CHD6: variants seen among roughly 807,000 people sequenced by gnomAD.
CHD6 encodes chromodomain helicase DNA binding protein 6.
Under a neutral mutation model 276.9 loss-of-function variants are expected in CHD6, and 50 were observed. The ratio of observed to expected loss-of-function variants is 0.18; its 90% CI spans 0.14 to 0.23. The LOEUF is 0.23. Ranked by LOEUF, CHD6 falls within the 10% of genes least tolerant of loss-of-function variation. The pLI is 1.00. For synonymous variants in CHD6, 1,173 were observed against 1,229.3 expected (o/e 0.95, Z 0.96); for missense variants, 2,564 against 3,365.8 (o/e 0.76, Z 5.89).
Position 41,532,691 on chromosome 20 carries a change from G to A in CHD6, c.554+359C>T, listed in dbSNP as rs77074055. Among the ~76,000 whole-genome samples the A allele has an allele frequency of 3.7e-3, 565 of 152,084 alleles. 15 individuals are homozygous for A. In the East Asian group the frequency reaches 0.041, roughly 11 times the overall value. On this transcript the variant is annotated intron_variant, in intron 3 of 36. Transcript: ENST00000373233. ...ATAGACACAAAGAACATATAAACATGGGATATAGGGGGTACATCTACACAG... is the reference window on the plus strand; with the variant it reads ...ATAGACACAAAGAACATATAAACATAGGATATAGGGGGTACATCTACACAG...
intron 1 of CHD6, among the ~76,000 whole-genome samples, chr20:41,604,209 G>C (rs952335950): frequency 6.6e-6 from 1 of 152,198 alleles, no homozygotes; most frequent in Non-Finnish European, 1.5e-5. Context: ...TGGAGCTGCT[G>C]AGTGTATGGC....
At position 41,405,383 on chromosome 20, in the gene CHD6, G is replaced by A; in HGVS notation, c.7358C>T (p.Ala2453Val). ...GGGAGAGTCTGCCACAATGGAAGGA[G>A]CCTTCAGGAGTTCGCTCCGAGGCCG... ...GRRPRSELLK[A>V]PSIVADSPSG... Residue 2453 changes from alanine to valine, a missense_variant, in exon 37 of 37, where the codon GCT becomes GTT. By Grantham distance (64) the Ala-to-Val change is moderately conservative. Around this residue, in one of 7 missense-constraint regions of CHD6, gnomAD observed 1,024 missense variants for 1,047.9 expected, o/e 0.98. Transcript: ENST00000373233. 2 of 1,614,170 alleles carry A rather than the reference G, an allele frequency of 1.2e-6. No individual in the cohort carries two copies. Among genetic ancestry groups the A allele is most frequent in the Non-Finnish European group, 8.5e-7 (1 of 1,179,990 alleles).
At position 41,452,660 on chromosome 20, in the gene CHD6, T is replaced by A; in HGVS notation, c.3323+80A>T. 1 of 1,281,676 alleles carries A rather than the reference T, an allele frequency of 7.8e-7. No individual in the cohort carries two copies. The highest frequency in any genetic ancestry group is 1.1e-6 in the Non-Finnish European group (1 of 901,974). The allele number at this position is 1,281,676 out of a possible 1,614,324, so 79.4% of individuals were successfully genotyped here. ...AATTCCAAAGGTGACTGGAGAGACA[T>A]CCTAGACAAATCTCAGGGACTGAAA... On this transcript the variant is annotated intron_variant, in intron 21 of 36. Coordinates refer to ENST00000373233, the MANE Select transcript of CHD6 (RefSeq NM_032221.5). This position sits in a 1 kb window ranked among gnomAD's most constrained non-coding sequence, Gnocchi z 4.2.
intron 1 of CHD6, among the ~76,000 whole-genome samples, chr20:41,584,573 T>C (rs1460941107): frequency 6.6e-6 from 1 of 152,154 alleles, no homozygotes; most frequent in Non-Finnish European, 1.5e-5. Flanking sequence ...CCTATATTCT[T>C]GGCCATAAAA....
chr20:41,587,726 C>T (rs1262990287), intron 1 of CHD6, among the ~76,000 whole-genome samples: 2 of 152,120 alleles, frequency 1.3e-5, no homozygotes, highest in African/African-American at 4.8e-5. Context: ...CTATTAATAA[C>T]GCAGTGACAC....
Position 41,417,345 on chromosome 20 carries a change from A to G in CHD6, c.6132T>C (p.Tyr2044=), listed in dbSNP as rs763002982. ...DRDGNCHSQD[Y]PGKYSEEESK... ...TCTCCTCTTCAGAGTACTTCCCTGG[A>G]TAATCTGGGAAGAGGTTAAAAAATT... The change falls in exon 32 of 37, where the codon TAT becomes TAC. Residue 2044 remains tyrosine, a synonymous_variant. Transcript: ENST00000373233. 7 of 1,611,886 alleles carry G rather than the reference A, an allele frequency of 4.3e-6. No homozygotes were observed. Among genetic ancestry groups the G allele is most frequent in the Non-Finnish European group, 3.4e-6 (4 of 1,179,506 alleles).
chr20:41,404,134 C>G lies in CHD6; in HGVS notation c.*459G>C. 2 of 1,057,574 alleles carry G rather than the reference C, an allele frequency of 1.9e-6. No individual in the cohort carries two copies. The highest frequency in any genetic ancestry group is 2.3e-6 in the Non-Finnish European group (2 of 874,874). The allele number at this position is 1,057,574 out of a possible 1,614,324, so 65.5% of individuals were successfully genotyped here. A position where few individuals can be genotyped will look rare whatever the true frequency, so the allele number is the denominator to read the frequency against. ...TTTAACTCAAAAATATGCACCAGCA[C>G]TTCCTTTTTCTGTGCTTTTTGGTTC... On this transcript the variant is annotated 3_prime_UTR_variant, in exon 37 of 37. Coordinates refer to ENST00000373233, the MANE Select transcript of CHD6 (RefSeq NM_032221.5).
intron 1 of CHD6, among the ~76,000 whole-genome samples, chr20:41,576,504 GGTGAAAC>G (rs1360276751): frequency 1.3e-5 from 2 of 152,080 alleles, no homozygotes; most frequent in African/African-American, 4.8e-5. Context: ...TGGCCAACAT[GGTGAAAC>G]CCTGCCTCTA....
intron 17 of CHD6, 82 bp from the exon 18 acceptor site, chr20:41,457,510 G>C: frequency 1.4e-6 from 2 of 1,471,714 alleles, no homozygotes; most frequent in Non-Finnish European, 1.8e-6. Flanking sequence ...GTGCTTAAAT[G>C]TCATGTGGTG....
intron 1 of CHD6, among the ~76,000 whole-genome samples, chr20:41,574,715 T>C (rs750132609): frequency 6.6e-5 from 10 of 152,186 alleles, no homozygotes; most frequent in South Asian, 2.1e-4. Context: ...TTATATATGA[T>C]GTGGCTGTTT....
rs1309953379 is a variant in CHD6 at position 41,421,187 on chromosome 20, A to G, written c.5448T>C (p.Asn1816=). 6.2e-7 allele frequency: 1 copy of G among 1,613,252 alleles called. No homozygotes were observed. The highest frequency in any genetic ancestry group is 8.5e-7 in the Non-Finnish European group (1 of 1,179,634). The change falls in exon 31 of 37, where the codon AAT becomes AAC. Residue 1816 remains asparagine (N), a synonymous_variant. Coordinates refer to ENST00000373233, the MANE Select transcript of CHD6 (RefSeq NM_032221.5). The stretch of plus-strand genomic sequence containing the variant: ...CTACAAACCCACTTTCATTTCCTGG[A>G]TTCAAGGAAGGGGAAGCTAAACACT... The part of the protein sequence containing the change: ...EAKCLASPSL[N]PGNESGFVDM...
intron 1 of CHD6, among the ~76,000 whole-genome samples, chr20:41,579,611 T>C (rs2045514786): frequency 6.6e-6 from 1 of 152,136 alleles, no homozygotes; most frequent in Non-Finnish European, 1.5e-5. Flanking sequence ...GTGAGATGTT[T>C]TAAGCATACC....
chr20:41,588,115 G>A (rs1208263977), intron 1 of CHD6, among the ~76,000 whole-genome samples: 1 of 152,006 alleles, frequency 6.6e-6, no homozygotes, highest in Non-Finnish European at 1.5e-5. Context: ...ATAGGGAGTG[G>A]TGTAAATGGC....
chr20:41,447,434 C>A (rs1048625023), intron 24 of CHD6, among the ~76,000 whole-genome samples: 1 of 152,076 alleles, frequency 6.6e-6, no homozygotes, highest in Non-Finnish European at 1.5e-5. Flanking sequence ...CACTAATTTG[C>A]AAAACTAACA....
At position 41,487,817 on chromosome 20, in the gene CHD6, A is replaced by G. The variant is rs2043453190; in HGVS notation, c.1858-9T>C. 1 of 1,606,660 alleles carries G rather than the reference A, an allele frequency of 6.2e-7. No individual in the cohort carries two copies. The highest frequency in any genetic ancestry group is 1.3e-5 in the African/African-American group (1 of 74,218). The stretch of plus-strand genomic sequence containing the variant: ...AGAAGCACTTTATGTTCCTGCGCAA[A>G]TTAAACATACATGATGGACAGTGCT... On this transcript the variant is annotated splice_polypyrimidine_tract_variant and intron_variant, in intron 13 of 36. Coordinates refer to ENST00000373233, the MANE Select transcript of CHD6 (RefSeq NM_032221.5).
chr20:41,467,524 A>C (rs1409833330), intron 17 of CHD6, among the ~76,000 whole-genome samples: 1 of 151,138 alleles, frequency 6.6e-6, no homozygotes, highest in African/African-American at 2.4e-5. Context: ...GGGGTGGACA[A>C]AAGCCAAAGA....
At chr20:41,580,645 CAAA>C (rs373733112) in intron 1 of CHD6, among the ~76,000 whole-genome samples, 4 of 69,266 alleles carry the variant, frequency 5.8e-5, no homozygotes, top group Admixed American at 1.6e-4. Context: ...AACCCAGTCT[CAAA>C]AAAAAAAAAA....
In CHD6 at chr20:41,456,207, C is replaced by T. The variant is rs148257828; in HGVS notation, c.2830-228G>A. On this transcript the variant is annotated intron_variant, in intron 18 of 36. Transcript: ENST00000373233. Reference sequence around the variant, plus strand: ...CTGAAATAAAGCTCAGCACATGATCCAAGGTCCCTAACATTCTTCAGGATG... The same window carrying T: ...CTGAAATAAAGCTCAGCACATGATCTAAGGTCCCTAACATTCTTCAGGATG... Among the ~76,000 whole-genome samples, 979 of 152,096 alleles carry T rather than the reference C, an allele frequency of 6.4e-3. 7 individuals carry two copies. The highest frequency in any genetic ancestry group is 0.022 in the African/African-American group (927 of 41,448).
Position 41,450,949 on chromosome 20 carries a change from T to C in CHD6, c.3680A>G (p.Asn1227Ser), listed in dbSNP as rs1264637113. ...GYKKHLKQHCNKVLLRVRMLY... is the reference protein window; with the variant it reads ...GYKKHLKQHCSKVLLRVRMLY... The stretch of plus-strand genomic sequence containing the variant: ...TATGGGGAGGAGGGACACTCACTTG[T>C]TGCAGTGCTGTTTGAGGTGTTTCTT... Residue 1227 changes from asparagine to serine, a missense_variant, in exon 23 of 37, where the codon AAC (asparagine) becomes AGC (serine). Coordinates refer to ENST00000373233, the MANE Select transcript of CHD6 (RefSeq NM_032221.5). 1 of 1,611,820 alleles carries C rather than the reference T, an allele frequency of 6.2e-7. No homozygotes were observed. Among genetic ancestry groups the C allele is most frequent in the African/African-American group, 1.3e-5 (1 of 74,908 alleles).
Sources: allele counts gnomAD v4.1 joint callset (sites outside exome capture counted in the v4.1 genomes callset), GRCh38; gene constraint gnomAD v4.1.1; regional missense constraint gnomAD v4.1.1; non-coding constraint Gnocchi (gnomAD v3.1); transcripts MANE v1.5; gene names NCBI Gene and HGNC (gene_info 2026-07-23, HGNC 2026-07-21).